GRM7: variants seen among roughly 807,000 people sequenced by gnomAD.
GRM7 encodes the protein metabotropic glutamate receptor 7.
In GRM7, 35 loss-of-function variants were observed where a neutral mutation model predicts 84.5. The ratio of observed to expected loss-of-function variants is 0.41; its 90% CI spans 0.32 to 0.55. The LOEUF is 0.55. Ranked by LOEUF, GRM7 falls within the 20% of genes least tolerant of loss-of-function variation. The probability of loss-of-function intolerance (pLI) is 0.19; values close to 1 mark genes in which losing one functional copy is unlikely to be tolerated. For synonymous variants in GRM7, 487 were observed against 455.1 expected, an observed-to-expected ratio of 1.07 and a Z score of -0.89; for missense variants, 1,003 against 1,194.6, an observed-to-expected ratio of 0.84 and a Z score of 2.36.
At chr3:7,166,156 C>T (rs538705315) in intron 2 of GRM7, among the ~76,000 whole-genome samples, 12 of 152,204 alleles carry the variant, frequency 7.9e-5, no homozygotes, top group Non-Finnish European at 1.5e-4. Context: ...CCTCTTTGTA[C>T]GGAGAGCAAA....
intron 2 of GRM7, among the ~76,000 whole-genome samples, chr3:7,229,925 C>T (rs1187768917): frequency 8.3e-5 from 12 of 144,934 alleles, no homozygotes; most frequent in African/African-American, 2.3e-4. Flanking sequence ...CTGCAAGCTC[C>T]GCCTCCCGGG....
At chr3:7,356,422 C>G (rs1172226256) in intron 4 of GRM7, among the ~76,000 whole-genome samples, 2 of 151,898 alleles carry the variant, frequency 1.3e-5, no homozygotes, top group Admixed American at 1.3e-4. Context: ...CTGCCTCAGC[C>G]TCCCAACTAT....
chr3:6,957,278 T>A (rs1378869413), intron 1 of GRM7, among the ~76,000 whole-genome samples: 1 of 152,222 alleles, frequency 6.6e-6, no homozygotes. Flanking sequence ...GACTCAGAGC[T>A]TTCCATTCTT....
At chr3:7,718,814 C>T (rs3804814) in intron 9 of GRM7, among the ~76,000 whole-genome samples, 7,889 of 152,192 alleles carry the variant, frequency 0.052, 272 homozygotes, top group South Asian at 0.12. Context: ...ATTTTTCAGA[C>T]GTCACTGCCT....
chr3:7,650,937 G>A (rs1338571350), intron 8 of GRM7, among the ~76,000 whole-genome samples: 1 of 152,114 alleles, frequency 6.6e-6, no homozygotes, highest in African/African-American at 2.4e-5. Flanking sequence ...TATAGTGAGG[G>A]CACTAATGAA....
chr3:6,921,704 G>C (rs773914488), intron 1 of GRM7, among the ~76,000 whole-genome samples: 1 of 152,080 alleles, frequency 6.6e-6, no homozygotes, highest in Admixed American at 6.5e-5. Flanking sequence ...GGTGTTGAAG[G>C]TTCCTACCAA....
chr3:6,949,177 T>A (rs1281250622), intron 1 of GRM7, among the ~76,000 whole-genome samples: 1 of 152,210 alleles, frequency 6.6e-6, no homozygotes, highest in African/African-American at 2.4e-5. Flanking sequence ...TTGGCATGTT[T>A]TTGCAGTGGC....
intron 2 of GRM7, among the ~76,000 whole-genome samples, chr3:7,167,135 A>T (rs909848958): frequency 6.6e-6 from 1 of 152,224 alleles, no homozygotes; most frequent in African/African-American, 2.4e-5. Flanking sequence ...GTTTCCAATC[A>T]ATCAAATATT....
intron 2 of GRM7, among the ~76,000 whole-genome samples, chr3:7,171,662 A>G (rs1694987816): frequency 6.6e-6 from 1 of 152,230 alleles, no homozygotes; most frequent in Non-Finnish European, 1.5e-5. Flanking sequence ...GTGTATGTGT[A>G]TTAAACAAAC....
At position 7,713,119 on chromosome 3, in the gene GRM7, G is replaced by GGTTTTT. The variant is rs947800572; in HGVS notation, c.2699-27238_2699-27237insGTTTTT. ...CACAGATAGAGAGGATTCGAATTTT[G>GGTTTTT]TTTTGTTTTTTTTTTTTTTTTTTTT... On this transcript the variant is annotated intron_variant, in intron 9 of 9. Coordinates refer to ENST00000357716, the MANE Select transcript of GRM7 (RefSeq NM_000844.4). Among the ~76,000 whole-genome samples, 2 of 55,642 alleles carry GGTTTTT rather than the reference G, an allele frequency of 3.6e-5. 1 individual carries two copies. Among genetic ancestry groups the GGTTTTT allele is most frequent in the African/African-American group, 1.3e-4 (2 of 15,950 alleles). 36.5% of individuals were successfully genotyped at this position (55,642 alleles called of 152,430 possible).
At position 6,982,500 on chromosome 3, in the gene GRM7, A is replaced by T. The variant is rs115367988; in HGVS notation, c.519+120593A>T. ...GAGACACATAGGTATTTTTTCTGATATTACTTTTTAAGTTGCCTTTAAAGC... is the reference window on the plus strand; with the variant it reads ...GAGACACATAGGTATTTTTTCTGATTTTACTTTTTAAGTTGCCTTTAAAGC... On this transcript the variant is annotated intron_variant, in intron 1 of 9. Transcript: ENST00000357716. Among the ~76,000 whole-genome samples the T allele has an allele frequency of 3.7e-3, 560 of 152,222 alleles. 3 individuals are homozygous for T. Among genetic ancestry groups the T allele is most frequent in the African/African-American group, 0.013 (549 of 41,534 alleles).
intron 9 of GRM7, chr3:7,682,213 T>C (rs1330334809): frequency 1.3e-5 from 2 of 151,538 alleles, no homozygotes; most frequent in Non-Finnish European, 2.9e-5. Flanking sequence ...CGCGTGCCTG[T>C]AATCCCAGCT....
chr3:7,478,423 G>A (rs550780235), intron 7 of GRM7, among the ~76,000 whole-genome samples: 2 of 152,230 alleles, frequency 1.3e-5, no homozygotes, highest in Non-Finnish European at 2.9e-5. Flanking sequence ...TTATTTTTCA[G>A]CTGAGAGACG....
intron 9 of GRM7, among the ~76,000 whole-genome samples, chr3:7,737,628 T>C (rs1702548896): frequency 6.6e-6 from 1 of 152,172 alleles, no homozygotes; most frequent in Non-Finnish European, 1.5e-5. Flanking sequence ...CTGTGAAAAG[T>C]ACACAAATTG....
intron 1 of GRM7, among the ~76,000 whole-genome samples, chr3:6,917,976 G>A (rs1697000734): frequency 6.6e-6 from 1 of 152,142 alleles, no homozygotes; most frequent in African/African-American, 2.4e-5. Context: ...TGGTTTAGCT[G>A]CACAATTGAT....
intron 8 of GRM7, among the ~76,000 whole-genome samples, chr3:7,655,571 T>C (rs1699140941): frequency 6.6e-6 from 1 of 152,232 alleles, no homozygotes; most frequent in Admixed American, 6.5e-5. Context: ...AATGACTTCT[T>C]GGTTTGAGAA....
chr3:7,320,766 G>C (rs1333466114), intron 4 of GRM7, among the ~76,000 whole-genome samples: 2 of 150,290 alleles, frequency 1.3e-5, no homozygotes, highest in South Asian at 2.1e-4. Context: ...GATCCTTACT[G>C]TTGCATATAA....
intron 9 of GRM7, chr3:7,686,544 A>ATCC (rs1700592923): frequency 3.2e-6 from 2 of 628,196 alleles, no homozygotes. Context: ...TTACCTGAAA[A>ATCC]TATATCTATA....
At chr3:7,161,362 C>G (rs986933889) in intron 2 of GRM7, among the ~76,000 whole-genome samples, 13 of 150,432 alleles carry the variant, frequency 8.6e-5, no homozygotes, top group African/African-American at 2.9e-4. Flanking sequence ...GGTCAAATCG[C>G]TAGTAGTTAA....
Sources: gnomAD v4.1 joint callset for allele counts (sites outside exome capture counted in the v4.1 genomes callset) on GRCh38, gnomAD v4.1.1 for gene constraint, MANE v1.5 for transcripts, NCBI Gene and HGNC (gene_info 2026-07-23, HGNC 2026-07-21) for gene names.